The following PDZD2 variants were observed in gnomAD, a reference collection of about 807,000 sequenced individuals.
PDZD2 encodes the protein PDZ domain-containing protein 2.
Under a neutral mutation model 220.7 loss-of-function variants are expected in PDZD2, and 90 were observed. The observed-to-expected ratio is 0.41, with a 90% CI of 0.34 to 0.49. The LOEUF (loss-of-function observed/expected upper bound fraction) is 0.49. Ranked by LOEUF, PDZD2 falls within the 20% of genes least tolerant of loss-of-function variation. PDZD2 has a pLI of 0.28. For missense variants in PDZD2, 3,174 were observed against 3,608.5 expected, an observed-to-expected ratio of 0.88 and a Z score of 3.08; for synonymous variants, 1,375 against 1,450.5, an observed-to-expected ratio of 0.95 and a Z score of 1.18.
chr5:31,901,415 C>CA (rs11300764), intron 2 of PDZD2, among the ~76,000 whole-genome samples: 32,801 of 136,162 alleles, frequency 0.24, 4,005 homozygotes, highest in African/African-American at 0.34. Context: ...GAGACTGTCT[C>CA]AAAAAAAAAA....
At position 32,098,442 on chromosome 5, in the gene PDZD2, G is replaced by A. The variant is rs778262328; in HGVS notation, c.8026G>A (p.Gly2676Ser). 4.3e-6 allele frequency: 7 copies of A among 1,614,114 alleles called. No individual in the cohort carries two copies. Among genetic ancestry groups the A allele is most frequent in the South Asian group, 1.1e-5 (1 of 91,072 alleles). Residue 2676 changes from glycine to serine, a missense_variant, in exon 23 of 25, where the codon GGC becomes AGC. Around this residue, in one of 4 missense-constraint regions of PDZD2, gnomAD observed 631 missense variants for 789.9 expected, o/e 0.80. Coordinates refer to ENST00000438447, the MANE Select transcript of PDZD2 (RefSeq NM_178140.4). The surrounding 1 kb of genome is among the most constrained non-coding windows in gnomAD (Gnocchi z 4.1). Reference protein sequence around the residue: ...NRGDFLLSVNGASLAGLAHGN... With the variant: ...NRGDFLLSVNSASLAGLAHGN... ...AGGGGATTTCCTTCTGTCAGTCAAC[G>A]GCGCCTCACTGGCTGGCTTAGCCCA... is the stretch of plus-strand genomic sequence containing the variant.
At chr5:31,954,737 G>A (rs969019935) in intron 2 of PDZD2, among the ~76,000 whole-genome samples, 5 of 152,090 alleles carry the variant, frequency 3.3e-5, no homozygotes, top group Non-Finnish European at 7.4e-5. Flanking sequence ...GACCATCCTG[G>A]CTAACATGGT....
At chr5:31,772,822 A>G (rs2150199567) in intron 1 of PDZD2, among the ~76,000 whole-genome samples, 1 of 152,304 alleles carries the variant, frequency 6.6e-6, no homozygotes, top group Middle Eastern at 3.4e-3. Context: ...AGGCCTTTCC[A>G]TCAATCACAG....
chr5:31,851,056 T>C (rs964302470), intron 2 of PDZD2, among the ~76,000 whole-genome samples: 6 of 152,238 alleles, frequency 3.9e-5, no homozygotes, highest in African/African-American at 1.4e-4. Context: ...CTGTTAAGTT[T>C]GCCTTTAGGC....
intron 5 of PDZD2, among the ~76,000 whole-genome samples, chr5:32,007,236 C>G (rs1276340417): frequency 6.6e-6 from 1 of 151,600 alleles, no homozygotes; most frequent in Non-Finnish European, 1.5e-5. Context: ...TGGTCTTAAC[C>G]TCTTGGCCTC....
rs142181906 is a variant in PDZD2 at position 31,771,502 on chromosome 5, G to C, written c.-360-27387G>C. Among the ~76,000 whole-genome samples, 16 of 150,360 alleles carry C rather than the reference G, an allele frequency of 1.1e-4. 1 individual carries two copies. Among genetic ancestry groups the C allele is most frequent in the African/African-American group, 3.9e-4 (16 of 40,884 alleles). On this transcript the variant is annotated intron_variant, in intron 1 of 24. Transcript: ENST00000438447. ...TGCACTGTGTAGATTTGTGTGGTTG[G>C]GGGAGACAGAGGGTATGGAGTTAAG...
At chr5:31,667,277 T>G (rs2330732) in intron 1 of PDZD2, among the ~76,000 whole-genome samples, 82,105 of 146,662 alleles carry the variant, frequency 0.56, 23,147 homozygotes, top group African/African-American at 0.61. Context: ...CTGCCTGCTG[T>G]GTGCCTGGTC....
intron 2 of PDZD2, among the ~76,000 whole-genome samples, chr5:31,873,862 C>A (rs1407381220): frequency 1.3e-5 from 2 of 152,020 alleles, no homozygotes; most frequent in Admixed American, 6.6e-5. Flanking sequence ...TCCTGAGTAG[C>A]TGGGAGTACA....
At chr5:31,642,400 C>T (rs1366006741) in intron 1 of PDZD2, among the ~76,000 whole-genome samples, 2 of 152,118 alleles carry the variant, frequency 1.3e-5, no homozygotes, top group Non-Finnish European at 2.9e-5. Context: ...CAGAGACGCC[C>T]ATCCCCAGAA....
intron 2 of PDZD2, chr5:31,823,168 A>C (rs952023078): frequency 2.8e-6 from 1 of 359,170 alleles, no homozygotes; most frequent in South Asian, 2.1e-5. Flanking sequence ...AAAAAAAAAA[A>C]AAAAAAAAAA....
chr5:32,089,071 A>G lies in PDZD2; in HGVS notation c.5623A>G (p.Asn1875Asp), dbSNP rs1238329578. 13 of 1,613,992 alleles carry G rather than the reference A, an allele frequency of 8.1e-6. No homozygotes were observed. The highest frequency in any genetic ancestry group is 1.1e-5 in the Non-Finnish European group (13 of 1,180,010). The change falls in exon 20 of 25, where the codon AAT becomes GAT. Residue 1875 changes from asparagine (N) to aspartate (D), a missense_variant. Coordinates refer to ENST00000438447, the MANE Select transcript of PDZD2 (RefSeq NM_178140.4). ...KKSPAEMLLT[N>D]GQKAKCGPKL... Reference sequence around the variant, plus strand: ...GAGTCCGGCAGAAATGCTTCTGACTAATGGTCAGAAGGCAAAGTGTGGTCC... The same window carrying G: ...GAGTCCGGCAGAAATGCTTCTGACTGATGGTCAGAAGGCAAAGTGTGGTCC...
At chr5:31,813,643 G>GA (rs1755263332) in intron 2 of PDZD2, among the ~76,000 whole-genome samples, 1 of 152,084 alleles carries the variant, frequency 6.6e-6, no homozygotes, top group Non-Finnish European at 1.5e-5. Context: ...CATACCAGTA[G>GA]AAAAACAGCC....
intron 2 of PDZD2, among the ~76,000 whole-genome samples, chr5:31,891,925 C>CG (rs1401073193): frequency 2.1e-5 from 3 of 143,028 alleles, no homozygotes; most frequent in African/African-American, 5.2e-5. Context: ...TTTTTTTTTG[C>CG]GGGGGGACAG....
chr5:31,852,460 AT>A (rs1239750115), intron 2 of PDZD2, among the ~76,000 whole-genome samples: 1 of 150,296 alleles, frequency 6.7e-6, no homozygotes, highest in Non-Finnish European at 1.5e-5. Flanking sequence ...TGATTTTTGT[AT>A]TTTTAATAGA....
intron 1 of PDZD2, among the ~76,000 whole-genome samples, chr5:31,733,725 A>G (rs1749672362): frequency 6.6e-6 from 1 of 152,202 alleles, no homozygotes; most frequent in South Asian, 2.1e-4. Context: ...TGGTGACAGT[A>G]TATGCAGATC....
At chr5:31,752,795 T>C (rs1751086646) in intron 1 of PDZD2, among the ~76,000 whole-genome samples, 1 of 152,070 alleles carries the variant, frequency 6.6e-6, no homozygotes, top group Non-Finnish European at 1.5e-5. Flanking sequence ...ATACTATTTC[T>C]TAGATATGGT....
chr5:31,901,770 T>C (rs1742125905), intron 2 of PDZD2, among the ~76,000 whole-genome samples: 1 of 152,186 alleles, frequency 6.6e-6, no homozygotes, highest in African/African-American at 2.4e-5. Flanking sequence ...ACTCCTCACT[T>C]CCCCTACAAA....
chr5:31,965,344 A>G (rs1039114318), intron 2 of PDZD2, among the ~76,000 whole-genome samples: 10 of 152,194 alleles, frequency 6.6e-5, no homozygotes, highest in African/African-American at 2.2e-4. Flanking sequence ...GTTTGACCAG[A>G]CATGTCATTC....
intron 1 of PDZD2, among the ~76,000 whole-genome samples, chr5:31,694,636 T>C (rs1381379696): frequency 2.6e-5 from 4 of 151,982 alleles, no homozygotes; most frequent in Non-Finnish European, 5.9e-5. Context: ...GAAATGGGAC[T>C]GGGCACTCCA....
Sources: gnomAD v4.1 joint callset for allele counts (sites outside exome capture counted in the v4.1 genomes callset) on GRCh38, gnomAD v4.1.1 for gene constraint, gnomAD v4.1.1 regional missense constraint, Gnocchi (gnomAD v3.1) non-coding constraint, MANE v1.5 for transcripts, NCBI Gene and HGNC (gene_info 2026-07-23, HGNC 2026-07-21) for gene names.